ZNF253: variants seen among roughly 807,000 people sequenced by gnomAD.
The protein encoded by ZNF253 is DNA-binding protein.
ZNF253 carries 8 observed loss-of-function variants against 11.9 expected under a neutral mutation model. The ratio of observed to expected loss-of-function variants is 0.67; its 90% confidence interval spans 0.40 to 1.22. ZNF253 has a LOEUF of 1.22. ZNF253 is among the 50% of genes most tolerant of loss of function. The pLI is 0.01. For synonymous variants in ZNF253, 194 were observed against 194.9 expected (o/e 1.00, Z 0.04); for missense variants, 485 against 586.9 (o/e 0.83, Z 1.79).
intron 3 of ZNF253, among the ~76,000 whole-genome samples, chr19:19,888,026 G>A (rs568516610): frequency 4.0e-5 from 6 of 151,704 alleles, no homozygotes; most frequent in Non-Finnish European, 8.8e-5. Flanking sequence ...TATTTAAATA[G>A]TTTTCCGAAA....
Position 19,893,812 on chromosome 19 carries a change from T to G in ZNF253, c.*1065T>G, listed in dbSNP as rs771914131. ...CAAATATAAAGGGGGTTGTAGTGCC[T>G]TTACTTGTGTCACAGATCTTAGTGC... is the stretch of plus-strand genomic sequence containing the variant. On this transcript the variant is annotated 3_prime_UTR_variant, in exon 4 of 4. Coordinates refer to ENST00000589717, the MANE Select transcript of ZNF253 (RefSeq NM_021047.3). 6.6e-6 allele frequency: 1 copy of G among 152,242 alleles called. No homozygotes were observed. Among genetic ancestry groups the G allele is most frequent in the Non-Finnish European group, 1.5e-5 (1 of 68,040 alleles). 9.4% of individuals were successfully genotyped at this position (152,242 alleles called of 1,614,324 possible).
intron 1 of ZNF253, among the ~76,000 whole-genome samples, chr19:19,874,034 G>C (rs2063144938): frequency 6.6e-6 from 1 of 152,082 alleles, no homozygotes; most frequent in Admixed American, 6.5e-5. Flanking sequence ...TCAGCCTCCA[G>C]AGTGTCCGGG....
At chr19:19,868,662 C>T (rs2063120959) in intron 1 of ZNF253, among the ~76,000 whole-genome samples, 1 of 151,792 alleles carries the variant, frequency 6.6e-6, no homozygotes, top group African/African-American at 2.4e-5. Context: ...TTCAAAAACT[C>T]TTTAAAAAGT....
At chr19:19,869,782 G>A (rs2063126022) in intron 1 of ZNF253, among the ~76,000 whole-genome samples, 2 of 143,438 alleles carry the variant, frequency 1.4e-5, no homozygotes, top group Non-Finnish European at 3.0e-5. Context: ...TAATTCTCCT[G>A]CCTCAGCCTC....
In ZNF253 at chr19:19,892,231, T is replaced by C; in HGVS notation, c.984T>C (p.Thr328=). The C allele has an allele frequency of 6.2e-7, 1 of 1,613,780 alleles. No individual in the cohort carries two copies. Among genetic ancestry groups the C allele is most frequent in the Non-Finnish European group, 8.5e-7 (1 of 1,179,936 alleles). ...CCTTTAAGCACTGCTCTAACCTTAC[T>C]ATACATAAGAGAATTCATACAGGAG... ...GKSFKHCSNL[T]IHKRIHTGEK... is the part of the protein sequence containing the mutation. Residue 328 remains threonine, a synonymous_variant, in exon 4 of 4, where the codon ACT becomes ACC. Coordinates refer to ENST00000589717, the MANE Select transcript of ZNF253 (RefSeq NM_021047.3).
chr19:19,885,334 CTTTCTTTCTTTCTTTCTTTCTTCCTTTCT>C (rs1568499220), intron 3 of ZNF253, among the ~76,000 whole-genome samples: 1,025 of 66,172 alleles, frequency 0.015, 137 homozygotes, highest in African/African-American at 0.14. Context: ...TTCTTTCTTT[CTTTCTTTCTTTCTTTCTTTCTTCCTTTCT>C]TTTCTTTCTT....
intron 1 of ZNF253, among the ~76,000 whole-genome samples, chr19:19,873,111 A>C (rs555646663): frequency 6.6e-6 from 1 of 152,248 alleles, no homozygotes; most frequent in South Asian, 2.1e-4. Context: ...CATCTTGTTC[A>C]TTGACCTGCT....
intron 1 of ZNF253, among the ~76,000 whole-genome samples, chr19:19,877,696 A>AATT (rs2063161307): frequency 6.6e-6 from 1 of 152,100 alleles, no homozygotes; most frequent in Admixed American, 6.6e-5. Context: ...CTTCTGTGTG[A>AATT]ATTAGCACAT....
chr19:19,869,684 TTTTAA>T (rs2063125264), intron 1 of ZNF253, among the ~76,000 whole-genome samples: 1 of 118,018 alleles, frequency 8.5e-6, no homozygotes. Flanking sequence ...TTTTTTTTTT[TTTTAA>T]AAAACAGTCT....
intron 3 of ZNF253, 46 bp from the exon 4 acceptor site, chr19:19,891,428 T>G: frequency 6.9e-7 from 1 of 1,448,838 alleles, no homozygotes; most frequent in Non-Finnish European, 9.3e-7. Flanking sequence ...TGTATATTTA[T>G]CTGAGTCTAG....
intron 3 of ZNF253, among the ~76,000 whole-genome samples, chr19:19,885,780 C>T (rs1432996067): frequency 2.0e-5 from 3 of 151,948 alleles, no homozygotes; most frequent in Non-Finnish European, 4.4e-5. Context: ...AGGAAATAAT[C>T]CAACTTTATT....
At chr19:19,867,067 G>T (rs2063114576) in intron 1 of ZNF253, among the ~76,000 whole-genome samples, 1 of 152,134 alleles carries the variant, frequency 6.6e-6, no homozygotes, top group African/African-American at 2.4e-5. Flanking sequence ...GGGGCCGGGC[G>T]CGGTGGCTCA....
At position 19,885,275 on chromosome 19, in the gene ZNF253, CT is replaced by C. The variant is rs1376109037; in HGVS notation, c.226+5132del. Among the ~76,000 whole-genome samples, 22 of 45,534 alleles carry C rather than the reference CT, an allele frequency of 4.8e-4. 1 individual carries two copies. The highest frequency in any genetic ancestry group is 4.7e-3 in the African/African-American group (20 of 4,232). The allele number at this position is 45,534 out of a possible 152,430, so 29.9% of individuals were successfully genotyped here. ...TCTTTCTTTCTTTCTTTCTTTCTTTCTTTCTTTCTTTCTTTCTCTTTCTTTT... is the reference window on the plus strand; with the variant it reads ...TCTTTCTTTCTTTCTTTCTTTCTTTCTTCTTTCTTTCTTTCTCTTTCTTTT... On this transcript the variant is annotated intron_variant, in intron 3 of 3. Coordinates refer to ENST00000589717, the MANE Select transcript of ZNF253 (RefSeq NM_021047.3).
At chr19:19,872,216 G>T (rs2063136527) in intron 1 of ZNF253, among the ~76,000 whole-genome samples, 1 of 152,074 alleles carries the variant, frequency 6.6e-6, no homozygotes, top group South Asian at 2.1e-4. Context: ...TTGAATAGAT[G>T]TGTAGACAAG....
At chr19:19,872,771 A>T (rs1402232737) in intron 1 of ZNF253, among the ~76,000 whole-genome samples, 1 of 151,704 alleles carries the variant, frequency 6.6e-6, no homozygotes, top group Non-Finnish European at 1.5e-5. Flanking sequence ...AGCTTGACCC[A>T]AATAAACTGT....
Position 19,892,810 on chromosome 19 carries a change from A to C in ZNF253, c.*63A>C. ...TGGGAAAGCCTTTAACCAGCCCTCGACTCTTAGTAAATTTGAGAGTTTATA... is the reference window on the plus strand; with the variant it reads ...TGGGAAAGCCTTTAACCAGCCCTCGCCTCTTAGTAAATTTGAGAGTTTATA... On this transcript the variant is annotated 3_prime_UTR_variant, in exon 4 of 4. Coordinates refer to ENST00000589717, the MANE Select transcript of ZNF253 (RefSeq NM_021047.3). The C allele has an allele frequency of 6.9e-7, 1 of 1,439,974 alleles. No individual in the cohort carries two copies. Among genetic ancestry groups the C allele is most frequent in the Non-Finnish European group, 9.4e-7 (1 of 1,063,766 alleles). 89.2% of individuals were successfully genotyped at this position (1,439,974 alleles called of 1,614,324 possible). A position where few individuals can be genotyped will look rare whatever the true frequency, so the allele number is the denominator to read the frequency against.
chr19:19,890,618 G>T (rs971372079), intron 3 of ZNF253, among the ~76,000 whole-genome samples: 3 of 150,176 alleles, frequency 2.0e-5, no homozygotes, highest in South Asian at 4.2e-4. Context: ...CGTCTCCACA[G>T]TTGAAGCAAT....
rs2063242764 is a variant in ZNF253, at chr19:19,893,488, G to A, written c.*741G>A. 1 of 152,110 alleles carries A rather than the reference G, an allele frequency of 6.6e-6. No individual in the cohort carries two copies. The highest frequency in any genetic ancestry group is 2.4e-5 in the African/African-American group (1 of 41,416). The allele number at this position is 152,110 out of a possible 1,614,324, so 9.4% of individuals were successfully genotyped here. A position where few individuals can be genotyped will look rare whatever the true frequency, so the allele number is the denominator to read the frequency against. The stretch of plus-strand genomic sequence containing the variant: ...ATAAAATGTGACAAAGCCTTTATAT[G>A]ATTGTCATACATGATTGTAGGTGAT... On this transcript the variant is annotated 3_prime_UTR_variant, in exon 4 of 4. Transcript: ENST00000589717.
intron 3 of ZNF253, among the ~76,000 whole-genome samples, chr19:19,881,838 A>ATT (rs58532418): frequency 0.15 from 22,670 of 151,104 alleles, 1,986 homozygotes; most frequent in East Asian, 0.41. Flanking sequence ...ATTTCAATGG[A>ATT]TTTTTTTTTA....
Sources: allele counts gnomAD v4.1 joint callset (sites outside exome capture counted in the v4.1 genomes callset), GRCh38; gene constraint gnomAD v4.1.1; transcripts MANE v1.5; gene names NCBI Gene and HGNC (gene_info 2026-07-23, HGNC 2026-07-21).